Variants in PIP5K1C observed in about 807,000 individuals in gnomAD.
PIP5K1C encodes the protein phosphatidylinositol 4-phosphate 5-kinase type-1 gamma.
In PIP5K1C, 45 loss-of-function variants were observed where a neutral mutation model predicts 80.1. That is an observed-to-expected ratio of 0.56 (90% confidence interval 0.44 to 0.72). The LOEUF is 0.72. Among genes scored for constraint, PIP5K1C ranks in the 30% least tolerant of loss-of-function variants. PIP5K1C has a pLI of 0.00. For synonymous variants in PIP5K1C, 498 were observed against 420.1 expected (o/e 1.19, Z -2.27); for missense variants, 753 against 954.6 (o/e 0.79, Z 2.78).
At chr19:3,634,810 A>G (rs2033609099) in intron 16 of PIP5K1C, among the ~76,000 whole-genome samples, 2 of 152,282 alleles carry the variant, frequency 1.3e-5, no homozygotes, top group South Asian at 4.1e-4. Flanking sequence ...CCGATCCTAC[A>G]GCTTCCACAA....
rs1599907032 is a variant in PIP5K1C at position 3,632,943 on chromosome 19, G to A, written c.*224C>T. The A allele has an allele frequency of 3.8e-6, 2 of 532,586 alleles. No individual in the cohort carries two copies. The highest frequency in any genetic ancestry group is 6.6e-6 in the Non-Finnish European group (2 of 301,286). The allele number at this position is 532,586 out of a possible 1,614,324, so 33.0% of individuals were successfully genotyped here. The stretch of plus-strand genomic sequence containing the variant: ...CTCAAATGCGATTGGCCGCTCGGGA[G>A]GGTGGGTCTCACAGGGGCAGGCTGC... On this transcript the variant is annotated 3_prime_UTR_variant, in exon 18 of 18. Coordinates refer to ENST00000335312, the MANE Select transcript of PIP5K1C (RefSeq NM_012398.3).
intron 1 of PIP5K1C, among the ~76,000 whole-genome samples, chr19:3,686,916 G>A (rs535320209): frequency 6.6e-6 from 1 of 152,028 alleles, no homozygotes; most frequent in African/African-American, 2.4e-5. Flanking sequence ...ATCAAGGCCA[G>A]GTGCAGTGGC....
chr19:3,689,848 C>CCA (rs1236283816), intron 1 of PIP5K1C, among the ~76,000 whole-genome samples: 1 of 152,088 alleles, frequency 6.6e-6, no homozygotes, highest in East Asian at 1.9e-4. Context: ...CACTCCCCCC[C>CCA]CACACACAGA....
chr19:3,677,946 GGGAGGGATGGAT>G (rs2145559119), intron 1 of PIP5K1C, among the ~76,000 whole-genome samples: 1 of 137,858 alleles, frequency 7.3e-6, no homozygotes, highest in African/African-American at 2.8e-5. Context: ...GAGGGATGGA[GGGAGGGATGGAT>G]GGATGGAGGA....
At chr19:3,636,773 G>T in intron 16 of PIP5K1C, 3 of 986,560 alleles carry the variant, frequency 3.0e-6, no homozygotes, top group Non-Finnish European at 3.6e-6. Context: ...CCTCGGCGGA[G>T]GCTTTGTCTC....
intron 1 of PIP5K1C, among the ~76,000 whole-genome samples, chr19:3,680,767 G>A (rs947237473): frequency 7.9e-5 from 12 of 152,344 alleles, no homozygotes; most frequent in African/African-American, 2.9e-4. Flanking sequence ...GAGATCAGGC[G>A]GAGGCCAGGA....
intron 1 of PIP5K1C, among the ~76,000 whole-genome samples, chr19:3,674,741 T>C (rs1358469010): frequency 6.6e-6 from 1 of 152,246 alleles, no homozygotes; most frequent in Non-Finnish European, 1.5e-5. Context: ...GACCTCGTGA[T>C]CTGCCCGCCT....
At position 3,637,117 on chromosome 19, in the gene PIP5K1C, T is replaced by A; in HGVS notation, c.1920+1767A>T. 1.5e-6 allele frequency: 2 copies of A among 1,353,012 alleles called. No individual in the cohort carries two copies. Among genetic ancestry groups the A allele is most frequent in the Non-Finnish European group, 1.9e-6 (2 of 1,049,316 alleles). The allele number at this position is 1,353,012 out of a possible 1,614,324, so 83.8% of individuals were successfully genotyped here. On this transcript the variant is annotated intron_variant, in intron 16 of 17. Transcript: ENST00000335312. The surrounding 1 kb of genome is among the most constrained non-coding windows in gnomAD (Gnocchi z 7.0). Reference sequence around the variant, plus strand: ...CGGCCCTGCAGCCACTCTGCTGACCTGTGCAACCTCCCCTGTGCAGCCAGC... The same window carrying A: ...CGGCCCTGCAGCCACTCTGCTGACCAGTGCAACCTCCCCTGTGCAGCCAGC...
Position 3,688,770 on chromosome 19 carries a change from G to A in PIP5K1C, c.94+11527C>T, listed in dbSNP as rs2035853206. Among the ~76,000 whole-genome samples the A allele has an allele frequency of 6.6e-6, 1 of 151,988 alleles. No individual in the cohort carries two copies. The highest frequency in any genetic ancestry group is 1.9e-4 in the East Asian group (1 of 5,172). On this transcript the variant is annotated intron_variant, in intron 1 of 17. Transcript: ENST00000335312. This position sits in a 1 kb window ranked among gnomAD's most constrained non-coding sequence, Gnocchi z 5.3. ...AGAGGAGAGTGGGGGGAGAACGAGA[G>A]CGAGAGACACACCGAGCTGGTGGGC... is the stretch of plus-strand genomic sequence containing the variant.
chr19:3,690,546 G>C (rs1009186189), intron 1 of PIP5K1C, among the ~76,000 whole-genome samples: 1 of 151,514 alleles, frequency 6.6e-6, no homozygotes, highest in African/African-American at 2.4e-5. Context: ...AGTCTTAGCA[G>C]AATTTAATCA....
chr19:3,690,823 A>G (rs1008816538), intron 1 of PIP5K1C, among the ~76,000 whole-genome samples: 1 of 152,212 alleles, frequency 6.6e-6, no homozygotes, highest in Non-Finnish European at 1.5e-5. Flanking sequence ...GTCCCAGAAA[A>G]TGAGGTCAGA....
chr19:3,665,056 C>A (rs546797950), intron 2 of PIP5K1C, 142 bp from the exon 3 acceptor site: 1 of 739,492 alleles, frequency 1.4e-6, no homozygotes, highest in Non-Finnish European at 2.4e-6. Flanking sequence ...CAGGCGACTC[C>A]GGGGTGCAGC....
In PIP5K1C at chr19:3,648,491, A is replaced by ACTGCAGACCCAGGCGCCCACCTGTGGGG. The variant is rs1209817611; in HGVS notation, c.1211+106_1211+133dup. The ACTGCAGACCCAGGCGCCCACCTGTGGGG allele has an allele frequency of 1.2e-6, 1 of 819,860 alleles. No homozygotes were observed. The highest frequency in any genetic ancestry group is 2.1e-6 in the Non-Finnish European group (1 of 481,492). The allele number at this position is 819,860 out of a possible 1,614,324, so 50.8% of individuals were successfully genotyped here. ...CTGGGGGCGCCCATCCACCTGTGGGACTGCAGACCCAGGCGCCCACCTGTG... is the reference window on the plus strand; with the variant it reads ...CTGGGGGCGCCCATCCACCTGTGGGACTGCAGACCCAGGCGCCCACCTGTGGGGCTGCAGACCCAGGCGCCCACCTGTG... On this transcript the variant is annotated intron_variant, in intron 9 of 17. Coordinates refer to ENST00000335312, the MANE Select transcript of PIP5K1C (RefSeq NM_012398.3). This position sits in a 1 kb window ranked among gnomAD's most constrained non-coding sequence, Gnocchi z 4.3.
At chr19:3,643,654 T>A (rs926578881) in intron 12 of PIP5K1C, among the ~76,000 whole-genome samples, 8 of 129,252 alleles carry the variant, frequency 6.2e-5, no homozygotes, top group Non-Finnish European at 1.2e-4. Flanking sequence ...TGTCTTCCCC[T>A]CCACTGCTCT....
At position 3,631,696 on chromosome 19, in the gene PIP5K1C, G is replaced by A. The variant is rs4806946; in HGVS notation, c.*1471C>T. The A allele has an allele frequency of 0.47, 71,650 of 152,288 alleles. 18,434 individuals are homozygous for A. Among genetic ancestry groups the A allele is most frequent in the Non-Finnish European group, 0.57 (38,537 of 68,140 alleles). 9.4% of individuals were successfully genotyped at this position (152,288 alleles called of 1,614,324 possible). ...GGCTTCTCCACAGCAGGGGCCTTCCGGGCGCAGCGTGTGGGCTGTGCAGGA... is the reference window on the plus strand; with the variant it reads ...GGCTTCTCCACAGCAGGGGCCTTCCAGGCGCAGCGTGTGGGCTGTGCAGGA... On this transcript the variant is annotated 3_prime_UTR_variant, in exon 18 of 18. Coordinates refer to ENST00000335312, the MANE Select transcript of PIP5K1C (RefSeq NM_012398.3).
intron 7 of PIP5K1C, among the ~76,000 whole-genome samples, chr19:3,652,399 C>A (rs1437018818): frequency 6.6e-6 from 1 of 152,240 alleles, no homozygotes; most frequent in Non-Finnish European, 1.5e-5. Flanking sequence ...AGGTGACACC[C>A]AGGTGGGTGG....
At chr19:3,663,277 C>T (rs1191237296) in intron 3 of PIP5K1C, among the ~76,000 whole-genome samples, 2 of 152,236 alleles carry the variant, frequency 1.3e-5, no homozygotes, top group South Asian at 2.1e-4. Flanking sequence ...TCTCTAATTC[C>T]GGTCTCCAGT....
Position 3,633,789 on chromosome 19 carries a change from G to A in PIP5K1C, c.1921-269C>T, listed in dbSNP as rs368946528. On this transcript the variant is annotated intron_variant, in intron 16 of 17. Coordinates refer to ENST00000335312, the MANE Select transcript of PIP5K1C (RefSeq NM_012398.3). ...TTCAGTCGAGGCAGGGCCTGAGATA[G>A]CAGGTGACAGAGCCGGCGGAAGCGG... Among the ~76,000 whole-genome samples the A allele has an allele frequency of 9.9e-5, 15 of 152,202 alleles. No individual in the cohort carries two copies. The East Asian group carries it at 2.9e-3, about 30-fold the overall frequency.
chr19:3,690,886 C>T (rs370234780), intron 1 of PIP5K1C, among the ~76,000 whole-genome samples: 21 of 152,160 alleles, frequency 1.4e-4, no homozygotes, highest in South Asian at 4.2e-4. Context: ...GAAAATGGGC[C>T]GGGGAGGGTG....
Sources: gnomAD v4.1 joint callset for allele counts (sites outside exome capture counted in the v4.1 genomes callset) on GRCh38, gnomAD v4.1.1 for gene constraint, Gnocchi (gnomAD v3.1) non-coding constraint, MANE v1.5 for transcripts, NCBI Gene and HGNC (gene_info 2026-07-23, HGNC 2026-07-21) for gene names.